The following NFAM1 variants were observed in gnomAD, a reference collection of about 807,000 sequenced individuals.
NFAM1 encodes the protein NFAT activation molecule 1.
Under a neutral mutation model 29.0 loss-of-function variants are expected in NFAM1, and 17 were observed. The ratio of observed to expected loss-of-function variants is 0.59; its 90% CI spans 0.40 to 0.88. The LOEUF (loss-of-function observed/expected upper bound fraction) is 0.88, where lower values mean the gene tolerates loss of function less well. NFAM1 is among the 40% of genes least tolerant of loss of function. The probability of loss-of-function intolerance (pLI) is 0.00; values close to 1 mark genes in which losing one functional copy is unlikely to be tolerated. For synonymous variants in NFAM1, 175 were observed against 147.2 expected (o/e 1.19, Z -1.36); for missense variants, 324 against 344.6 (o/e 0.94, Z 0.47).
chr22:42,390,533 C>T (rs993388971), intron 4 of NFAM1, among the ~76,000 whole-genome samples: 5 of 151,886 alleles, frequency 3.3e-5, no homozygotes, highest in African/African-American at 9.7e-5. Context: ...AATGAGGGAG[C>T]GGGCTGGGTG....
intron 1 of NFAM1, among the ~76,000 whole-genome samples, chr22:42,417,869 C>A (rs1249199756): frequency 6.6e-6 from 1 of 152,166 alleles, no homozygotes; most frequent in Non-Finnish European, 1.5e-5. Context: ...GGGAGGGCCC[C>A]CGCCCCGTCC....
intron 1 of NFAM1, among the ~76,000 whole-genome samples, chr22:42,414,591 T>TA (rs1439481797): frequency 1.3e-5 from 2 of 151,654 alleles, no homozygotes; most frequent in East Asian, 1.9e-4. Flanking sequence ...AATTTTTTTT[T>TA]AGAGACAAGA....
chr22:42,415,877 C>T (rs572619180), intron 1 of NFAM1, among the ~76,000 whole-genome samples: 2 of 152,306 alleles, frequency 1.3e-5, no homozygotes, highest in South Asian at 4.1e-4. Context: ...GGTCACAGGC[C>T]CTGTCCCAGA....
At position 42,419,989 on chromosome 22, in the gene NFAM1, G is replaced by GTTTTTTTTTTTTTTTTTTTTTTT. The variant is rs1491236869; in HGVS notation, c.122-8254_122-8253insAAAAAAAAAAAAAAAAAAAAAAA. 1.4e-4 allele frequency among the ~76,000 whole-genome samples: 8 copies of GTTTTTTTTTTTTTTTTTTTTTTT among 56,548 alleles called. 3 individuals are homozygous for GTTTTTTTTTTTTTTTTTTTTTTT. The highest frequency in any genetic ancestry group is 8.5e-4 in the East Asian group (1 of 1,178). 37.1% of individuals were successfully genotyped at this position (56,548 alleles called of 152,430 possible). ...CCTTTGAGTCTGTAATCCCACTCTT[G>GTTTTTTTTTTTTTTTTTTTTTTT]GTTTTTTTTTTTTTTTTTTTTTTTT... On this transcript the variant is annotated intron_variant, in intron 1 of 5. Coordinates refer to ENST00000329021, the MANE Select transcript of NFAM1 (RefSeq NM_145912.8). This position sits in a 1 kb window ranked among gnomAD's most constrained non-coding sequence, Gnocchi z 4.5.
chr22:42,402,486 C>A (rs9623580), intron 3 of NFAM1, among the ~76,000 whole-genome samples: 31,490 of 152,056 alleles, frequency 0.21, 4,426 homozygotes, highest in African/African-American at 0.37. Flanking sequence ...GAGGAAGGGG[C>A]CCGGGATGTG....
At chr22:42,422,477 G>A (rs536152113) in intron 1 of NFAM1, among the ~76,000 whole-genome samples, 3 of 152,136 alleles carry the variant, frequency 2.0e-5, no homozygotes, top group East Asian at 3.9e-4. Context: ...ATGGTGGCAC[G>A]CACCTGTAGC....
At chr22:42,410,946 C>A (rs902285685) in intron 2 of NFAM1, among the ~76,000 whole-genome samples, 3 of 152,004 alleles carry the variant, frequency 2.0e-5, no homozygotes, top group African/African-American at 4.8e-5. Context: ...TAGGCCGGGG[C>A]TCCCTGAAGT....
At chr22:42,434,142 CCT>C (rs976079961), upstream of NFAM1, among the ~76,000 whole-genome samples, 37 of 152,306 alleles carry the variant, frequency 2.4e-4, no homozygotes, top group African/African-American at 7.0e-4. Context: ...AGTTCTGCCG[CCT>C]CTGAGTCTGG....
At chr22:42,435,754 T>C (rs544977916), upstream of NFAM1, among the ~76,000 whole-genome samples, 39 of 151,912 alleles carry the variant, frequency 2.6e-4, no homozygotes, top group Middle Eastern at 6.8e-3. Flanking sequence ...AGGCGCTCCC[T>C]GTCCAGGGAG....
upstream of NFAM1, chr22:42,437,001 T>TA: frequency 1.0e-6 from 1 of 984,308 alleles, no homozygotes. Context: ...ACTGGACACA[T>TA]ACCATGGTCC....
chr22:42,401,952 T>C (rs1929738820), intron 3 of NFAM1, among the ~76,000 whole-genome samples: 1 of 152,234 alleles, frequency 6.6e-6, no homozygotes, highest in African/African-American at 2.4e-5. Context: ...GCATTTATCC[T>C]GTCATTCCTT....
intron 1 of NFAM1, among the ~76,000 whole-genome samples, chr22:42,421,411 C>G (rs950951660): frequency 2.7e-5 from 4 of 148,686 alleles, no homozygotes; most frequent in Non-Finnish European, 4.4e-5. Flanking sequence ...CATCATTGCA[C>G]TCCAGCCTGG....
At position 42,431,881 on chromosome 22, in the gene NFAM1, C is replaced by T. The variant is rs533910862; in HGVS notation, c.121+356G>A. 4.6e-5 allele frequency among the ~76,000 whole-genome samples: 7 copies of T among 151,844 alleles called. No homozygotes were observed. The East Asian group carries it at 7.8e-4, about 17-fold the overall frequency. ...AACGCAGTGTCCCCCGCAGCAGCCA[C>T]GTGAGGTTCCTCGGATGGGGAGCTG... On this transcript the variant is annotated intron_variant, in intron 1 of 5. Transcript: ENST00000329021.
chr22:42,389,684 TGGGCTGGGCTGG>T (rs1427034413), intron 4 of NFAM1, among the ~76,000 whole-genome samples: 1 of 14,068 alleles, frequency 7.1e-5, no homozygotes, highest in Non-Finnish European at 1.3e-4. Context: ...GGGGCTGGGC[TGGGCTGGGCTGG>T]GGGCTGGGCT....
chr22:42,409,027 G>T lies in NFAM1; in HGVS notation c.564+408C>A, dbSNP rs1929992498. ...TGCTGGAGGGCGTGCGAGAGGGCGA[G>T]TGGGAGGGTGTGTGGGAGAGCACCT... is the stretch of plus-strand genomic sequence containing the variant. On this transcript the variant is annotated intron_variant, in intron 3 of 5. Transcript: ENST00000329021. The surrounding 1 kb of genome is among the most constrained non-coding windows in gnomAD (Gnocchi z 4.9). 6.6e-6 allele frequency among the ~76,000 whole-genome samples: 1 copy of T among 152,096 alleles called. No individual in the cohort carries two copies. The highest frequency in any genetic ancestry group is 2.1e-4 in the South Asian group (1 of 4,812).
At chr22:42,427,076 C>T (rs193266904) in intron 1 of NFAM1, among the ~76,000 whole-genome samples, 41 of 152,232 alleles carry the variant, frequency 2.7e-4, no homozygotes, top group African/African-American at 6.0e-4. Flanking sequence ...GGAGCCCAGG[C>T]GCCCCACTTG....
chr22:42,398,779 C>T (rs1271158752), intron 3 of NFAM1, among the ~76,000 whole-genome samples: 1 of 152,122 alleles, frequency 6.6e-6, no homozygotes, highest in Non-Finnish European at 1.5e-5. Flanking sequence ...AATGAGGGCA[C>T]AAGGAGTAGG....
chr22:42,425,654 G>C (rs1930598788), intron 1 of NFAM1, among the ~76,000 whole-genome samples: 1 of 152,214 alleles, frequency 6.6e-6, no homozygotes, highest in Non-Finnish European at 1.5e-5. Context: ...GGTGGGTCCT[G>C]AGGCTTCTGG....
chr22:42,384,957 C>A lies in NFAM1; in HGVS notation c.*204G>T. On this transcript the variant is annotated 3_prime_UTR_variant, in exon 6 of 6. Coordinates refer to ENST00000329021, the MANE Select transcript of NFAM1 (RefSeq NM_145912.8). ...GCAGAAGGAACAGCCTGGGCAAAGG[C>A]CCCAAGATGGGAAAGCCTTGGTGGT... is the stretch of plus-strand genomic sequence containing the variant. 1 of 661,548 alleles carries A rather than the reference C, an allele frequency of 1.5e-6. No individual in the cohort carries two copies. Among genetic ancestry groups the A allele is most frequent in the Non-Finnish European group, 2.7e-6 (1 of 369,504 alleles). 41.0% of individuals were successfully genotyped at this position (661,548 alleles called of 1,614,324 possible). A position where few individuals can be genotyped will look rare whatever the true frequency, so the allele number is the denominator to read the frequency against.
Sources: allele counts gnomAD v4.1 joint callset (sites outside exome capture counted in the v4.1 genomes callset), GRCh38; gene constraint gnomAD v4.1.1; non-coding constraint Gnocchi (gnomAD v3.1); transcripts MANE v1.5; gene names NCBI Gene and HGNC (gene_info 2026-07-23, HGNC 2026-07-21).